PPM1H: variants seen among roughly 807,000 people sequenced by gnomAD.
PPM1H encodes the protein protein phosphatase, Mg2+/Mn2+ dependent 1H, also known as protein phosphatase 1H.
Under a neutral mutation model 54.9 loss-of-function variants are expected in PPM1H, and 27 were observed. The observed-to-expected ratio is 0.49, with a 90% confidence interval of 0.36 to 0.68. The LOEUF (loss-of-function observed/expected upper bound fraction) is 0.68, where lower values mean the gene tolerates loss of function less well. Ranked by LOEUF, PPM1H falls within the 30% of genes least tolerant of loss-of-function variation. The probability of loss-of-function intolerance (pLI) is 0.00; values close to 1 mark genes in which losing one functional copy is unlikely to be tolerated. For synonymous variants in PPM1H, 305 were observed against 270.8 expected (o/e 1.13, Z -1.24); for missense variants, 596 against 667.8 (o/e 0.89, Z 1.19).
intron 6 of PPM1H, among the ~76,000 whole-genome samples, chr12:62,712,155 C>G (rs560733125): frequency 6.6e-6 from 1 of 152,212 alleles, no homozygotes; most frequent in African/African-American, 2.4e-5. Context: ...ACTCCAGCCC[C>G]GTTGGAATTT....
chr12:62,886,304 T>TA (rs1870586289), intron 1 of PPM1H, among the ~76,000 whole-genome samples: 1 of 152,234 alleles, frequency 6.6e-6, no homozygotes, highest in African/African-American at 2.4e-5. Context: ...TAATTGGAGA[T>TA]ACCCTCTGTT....
At chr12:62,665,637 A>G (rs2075913720) in intron 9 of PPM1H, among the ~76,000 whole-genome samples, 1 of 152,134 alleles carries the variant, frequency 6.6e-6, no homozygotes, top group Admixed American at 6.5e-5. Flanking sequence ...TGAATTTTTA[A>G]TTCCTATTTT....
intron 1 of PPM1H, among the ~76,000 whole-genome samples, chr12:62,894,771 C>A (rs763251250): frequency 6.6e-6 from 1 of 152,138 alleles, no homozygotes; most frequent in South Asian, 2.1e-4. Context: ...GTGGCTCACG[C>A]CTTTAATCTC....
At chr12:62,830,168 C>T (rs1299736618) in intron 2 of PPM1H, among the ~76,000 whole-genome samples, 3 of 152,218 alleles carry the variant, frequency 2.0e-5, no homozygotes, top group Non-Finnish European at 2.9e-5. Context: ...ACATTTTCCA[C>T]GGACTACTGG....
intron 4 of PPM1H, among the ~76,000 whole-genome samples, chr12:62,743,297 G>T (rs971747883): frequency 6.6e-6 from 1 of 152,152 alleles, no homozygotes; most frequent in African/African-American, 2.4e-5. Context: ...AGGTTGCAGT[G>T]AGCCGAAACT....
intron 4 of PPM1H, among the ~76,000 whole-genome samples, chr12:62,761,794 C>T (rs1409985428): frequency 6.6e-6 from 1 of 152,166 alleles, no homozygotes; most frequent in African/African-American, 2.4e-5. Flanking sequence ...CATTCTAGGC[C>T]ACAGCACTCA....
In PPM1H at chr12:62,647,174, G is replaced by C. The variant is rs1245812993; in HGVS notation, c.*1315C>G. On this transcript the variant is annotated 3_prime_UTR_variant, in exon 10 of 10. Transcript: ENST00000228705. The stretch of plus-strand genomic sequence containing the variant: ...TATGGCATGCACTGTGCCTGCTGCT[G>C]CTGCTCTTGTGGCGAACACTCAGAT... 6.6e-6 allele frequency: 1 copy of C among 152,268 alleles called. No individual in the cohort carries two copies. The highest frequency in any genetic ancestry group is 1.9e-4 in the East Asian group (1 of 5,194). 9.4% of individuals were successfully genotyped at this position (152,268 alleles called of 1,614,324 possible).
intron 1 of PPM1H, among the ~76,000 whole-genome samples, chr12:62,878,498 T>C (rs542801215): frequency 7.2e-5 from 11 of 152,024 alleles, no homozygotes; most frequent in Non-Finnish European, 1.6e-4. Context: ...GCTTTAACAC[T>C]TGATGGTCTG....
At chr12:62,871,439 T>C (rs1281626361) in intron 1 of PPM1H, among the ~76,000 whole-genome samples, 1 of 151,496 alleles carries the variant, frequency 6.6e-6, no homozygotes, top group Non-Finnish European at 1.5e-5. Context: ...TTTGGGGTGA[T>C]AAAAAGTTCT....
chr12:62,691,745 C>A (rs1293356708), intron 7 of PPM1H, among the ~76,000 whole-genome samples: 1 of 151,032 alleles, frequency 6.6e-6, no homozygotes, highest in Non-Finnish European at 1.5e-5. Flanking sequence ...ATCACCTGAT[C>A]CTGGGATGTC....
intron 8 of PPM1H, among the ~76,000 whole-genome samples, chr12:62,686,631 G>A (rs2076053728): frequency 6.6e-6 from 1 of 152,190 alleles, no homozygotes. Context: ...GGGAACTTTG[G>A]ACACCTAATG....
intron 1 of PPM1H, among the ~76,000 whole-genome samples, chr12:62,915,442 C>G (rs1005445202): frequency 6.6e-6 from 1 of 152,218 alleles, no homozygotes; most frequent in Non-Finnish European, 1.5e-5. Flanking sequence ...AGAGTTTGTG[C>G]AGGAAACGTC....
At chr12:62,712,818 G>A (rs983378421) in intron 6 of PPM1H, among the ~76,000 whole-genome samples, 5 of 152,222 alleles carry the variant, frequency 3.3e-5, no homozygotes, top group African/African-American at 9.6e-5. Flanking sequence ...AAGCTAATGA[G>A]GAGTGTCAGT....
intron 4 of PPM1H, among the ~76,000 whole-genome samples, chr12:62,785,825 C>A (rs1176021534): frequency 6.7e-6 from 1 of 148,626 alleles, no homozygotes; most frequent in South Asian, 2.1e-4. Context: ...TTTTAAGGAG[C>A]CTGGAGCTTT....
chr12:62,766,229 G>A (rs986779768), intron 4 of PPM1H, among the ~76,000 whole-genome samples: 1 of 152,188 alleles, frequency 6.6e-6, no homozygotes, highest in Non-Finnish European at 1.5e-5. Context: ...GAAAACAGGA[G>A]AGAGGGCTCT....
chr12:62,840,039 T>G (rs1565805643), intron 1 of PPM1H: 2 of 144,224 alleles, frequency 1.4e-5, no homozygotes. Context: ...AGACCGTGCC[T>G]CTCTAGAGAG....
chr12:62,919,319 A>T (rs1871719196), intron 1 of PPM1H, among the ~76,000 whole-genome samples: 1 of 152,026 alleles, frequency 6.6e-6, no homozygotes, highest in African/African-American at 2.4e-5. Flanking sequence ...TTGGTAACTC[A>T]GGTGATAAAA....
chr12:62,666,587 G>C (rs534635119), intron 9 of PPM1H, among the ~76,000 whole-genome samples: 1 of 152,204 alleles, frequency 6.6e-6, no homozygotes, highest in African/African-American at 2.4e-5. Flanking sequence ...CTACTTTAGA[G>C]GATAGCTTAG....
intron 2 of PPM1H, among the ~76,000 whole-genome samples, chr12:62,818,927 T>A (rs1181456372): frequency 6.6e-6 from 1 of 150,772 alleles, no homozygotes; most frequent in Non-Finnish European, 1.5e-5. Flanking sequence ...TTCAAGCAAT[T>A]CTCCTGCCTC....
Sources: gnomAD v4.1 joint callset for allele counts (sites outside exome capture counted in the v4.1 genomes callset) on GRCh38, gnomAD v4.1.1 for gene constraint, MANE v1.5 for transcripts, NCBI Gene and HGNC (gene_info 2026-07-23, HGNC 2026-07-21) for gene names.